Variants in PCDH15 observed in about 807,000 individuals in gnomAD.
The protein encoded by PCDH15 is protocadherin related 15, also known as protocadherin-15.
Under a neutral mutation model 178.5 loss-of-function variants are expected in PCDH15, and 129 were observed. That is an observed-to-expected ratio of 0.72 (90% CI 0.63 to 0.84). The LOEUF (loss-of-function observed/expected upper bound fraction) is 0.84, where lower values mean the gene tolerates loss of function less well. Ranked by LOEUF, PCDH15 falls within the 40% of genes least tolerant of loss-of-function variation. PCDH15 has a pLI of 0.00. For synonymous variants in PCDH15, 800 were observed against 732.0 expected, an observed-to-expected ratio of 1.09 and a Z score of -1.50; for missense variants, 2,230 against 2,099.9, an observed-to-expected ratio of 1.06 and a Z score of -1.21.
intron 3 of PCDH15, among the ~76,000 whole-genome samples, chr10:54,488,820 T>C (rs2079328963): frequency 6.6e-6 from 1 of 151,898 alleles, no homozygotes; most frequent in Non-Finnish European, 1.5e-5. Flanking sequence ...TATCAAAAAA[T>C]AAGGAATCTC....
At chr10:54,189,081 C>A (rs563306355) in intron 11 of PCDH15, among the ~76,000 whole-genome samples, 2 of 151,938 alleles carry the variant, frequency 1.3e-5, no homozygotes, top group Non-Finnish European at 2.9e-5. Context: ...AATAATTAAG[C>A]AGTCTTTGCC....
chr10:54,178,895 A>G (rs958731467), intron 13 of PCDH15, among the ~76,000 whole-genome samples: 1 of 152,038 alleles, frequency 6.6e-6, no homozygotes, highest in Non-Finnish European at 1.5e-5. Context: ...TTAGAATGGC[A>G]ATCATTAAAA....
intron 1 of PCDH15, among the ~76,000 whole-genome samples, chr10:55,213,408 C>T (rs1031212797): frequency 8.6e-5 from 13 of 152,012 alleles, no homozygotes; most frequent in African/African-American, 2.9e-4. Flanking sequence ...TTTGGTAGAA[C>T]ATTCGATTAA....
chr10:54,097,202 C>T (rs559757145), intron 15 of PCDH15, among the ~76,000 whole-genome samples: 8 of 152,288 alleles, frequency 5.3e-5, no homozygotes, highest in Middle Eastern at 3.4e-3. Context: ...TATGTCACTG[C>T]TATACTCAAA....
intron 3 of PCDH15, among the ~76,000 whole-genome samples, chr10:54,422,661 C>T (rs769337844): frequency 1.3e-5 from 2 of 152,048 alleles, no homozygotes; most frequent in Non-Finnish European, 2.9e-5. Context: ...ACAAATATTC[C>T]CTGAAAAGTA....
At chr10:55,525,800 C>T (rs577509444) in intron 2 of PCDH15, among the ~76,000 whole-genome samples, 3 of 151,970 alleles carry the variant, frequency 2.0e-5, no homozygotes, top group African/African-American at 7.2e-5. Context: ...AATCTGTCTT[C>T]ATAATTTTAC....
intron 2 of PCDH15, among the ~76,000 whole-genome samples, chr10:55,003,784 T>A (rs1191302843): frequency 6.6e-6 from 1 of 151,084 alleles, no homozygotes; most frequent in Middle Eastern, 3.4e-3. Flanking sequence ...CTTAGAAGGA[T>A]TGGCCTCATA....
rs529649791 is a variant in PCDH15, at chr10:54,003,256, GATC to G, written c.2752-7494_2752-7492del. On this transcript the variant is annotated intron_variant, in intron 20 of 37. Transcript: ENST00000644397. ...TTAGTAGAAGAAAATAAATAATAAA[GATC>G]AGAGCAGAAATAAATGGATTTGAAA... is the stretch of plus-strand genomic sequence containing the variant. 3.8e-3 allele frequency among the ~76,000 whole-genome samples: 584 copies of G among 152,000 alleles called. 4 individuals carry two copies. Among genetic ancestry groups the G allele is most frequent in the African/African-American group, 0.013 (550 of 41,468 alleles).
rs560588464 is a variant in PCDH15 at position 54,698,165 on chromosome 10, C to A, written c.-28-33875G>T. Among the ~76,000 whole-genome samples the A allele has an allele frequency of 3.9e-5, 6 of 152,230 alleles. No homozygotes were observed. The South Asian group carries it at 6.2e-4, about 16-fold the overall frequency. On this transcript the variant is annotated intron_variant, in intron 1 of 37. Transcript: ENST00000644397. Reference sequence around the variant, plus strand: ...GAATTTAAGAAAGAAAGTTTACATTCGCTTGACTGGAAATCACAGGCAAAT... The same window carrying A: ...GAATTTAAGAAAGAAAGTTTACATTAGCTTGACTGGAAATCACAGGCAAAT...
At chr10:55,143,738 G>T (rs571623102) in intron 2 of PCDH15, among the ~76,000 whole-genome samples, 1 of 152,084 alleles carries the variant, frequency 6.6e-6, no homozygotes, top group African/African-American at 2.4e-5. Context: ...ATTAACCTAT[G>T]AAACAAGCTG....
At chr10:55,363,458 G>A (rs1007554856) in intron 2 of PCDH15, among the ~76,000 whole-genome samples, 5 of 152,072 alleles carry the variant, frequency 3.3e-5, no homozygotes, top group Admixed American at 3.3e-4. Context: ...AGATCATGTG[G>A]TAAGTGTATG....
At chr10:54,756,557 C>A (rs1175646241) in intron 1 of PCDH15, among the ~76,000 whole-genome samples, 13 of 152,140 alleles carry the variant, frequency 8.5e-5, no homozygotes, top group Non-Finnish European at 1.9e-4. Flanking sequence ...TCACACAGAT[C>A]TTGGAAAAAT....
rs1173253545 is a variant in PCDH15, at chr10:54,439,442, A to G, written c.158-60500T>C. 1.7e-4 allele frequency among the ~76,000 whole-genome samples: 26 copies of G among 152,108 alleles called. 1 individual carries two copies. ...TTAATGAGGCGTAGTTGTCTGTTCC[A>G]TTACGGAAAGAGTTTTCTTATGTGT... On this transcript the variant is annotated intron_variant, in intron 3 of 37. Transcript: ENST00000644397.
intron 13 of PCDH15, among the ~76,000 whole-genome samples, chr10:54,171,394 A>AG (rs1184329027): frequency 2.6e-5 from 4 of 152,206 alleles, no homozygotes; most frequent in African/African-American, 9.6e-5. Flanking sequence ...ACAGGGGTAC[A>AG]GCCCATTTGA....
rs772501126 is a variant in PCDH15, at chr10:54,319,815, G to A, written c.706-2374C>T. Among the ~76,000 whole-genome samples, 26 of 151,682 alleles carry A rather than the reference G, an allele frequency of 1.7e-4. 1 individual carries two copies. The South Asian group carries it at 3.3e-3, about 19-fold the overall frequency. ...AAAAAAGTCCCTCTTGTTAAACATG[G>A]TTAATAGTACATTTTGGTTAAGCTC... On this transcript the variant is annotated intron_variant, in intron 7 of 37. Coordinates refer to ENST00000644397, the MANE Select transcript of PCDH15 (RefSeq NM_001384140.1).
intron 15 of PCDH15, among the ~76,000 whole-genome samples, chr10:54,106,991 T>C (rs1189510796): frequency 6.6e-6 from 1 of 152,202 alleles, no homozygotes; most frequent in African/African-American, 2.4e-5. Context: ...TTTGACTCTA[T>C]GAACTTGGAT....
intron 2 of PCDH15, among the ~76,000 whole-genome samples, chr10:55,594,429 A>G (rs1380991025): frequency 2.0e-5 from 3 of 152,144 alleles, no homozygotes; most frequent in Admixed American, 2.0e-4. Flanking sequence ...AAACATTTCA[A>G]CTAAGAAAAA....
chr10:54,791,582 G>A (rs189301268), intron 1 of PCDH15, among the ~76,000 whole-genome samples: 18 of 151,846 alleles, frequency 1.2e-4, no homozygotes, highest in East Asian at 2.0e-4. Context: ...CATCTCAAAC[G>A]TAACATGTTT....
intron 1 of PCDH15, among the ~76,000 whole-genome samples, chr10:55,279,179 T>G (rs1181989719): frequency 4.6e-5 from 7 of 152,120 alleles, no homozygotes; most frequent in Non-Finnish European, 1.0e-4. Flanking sequence ...GAGCCTAACT[T>G]CAAAAAGAAC....
Sources: allele counts gnomAD v4.1 joint callset (sites outside exome capture counted in the v4.1 genomes callset), GRCh38; gene constraint gnomAD v4.1.1; transcripts MANE v1.5; gene names NCBI Gene and HGNC (gene_info 2026-07-23, HGNC 2026-07-21).